The following RIN3 variants were observed in gnomAD, a reference collection of about 807,000 sequenced individuals.
RIN3 encodes the protein Ras and Rab interactor 3, also known as RAB5 interacting protein 3.
RIN3 carries 54 observed loss-of-function variants against 76.3 expected under a neutral mutation model. The observed-to-expected ratio is 0.71, with a 90% confidence interval of 0.57 to 0.89. RIN3 has a LOEUF of 0.89. RIN3 is among the 40% of genes least tolerant of loss of function. The pLI is 0.00. For synonymous variants in RIN3, 576 were observed against 564.0 expected (o/e 1.02, Z -0.30); for missense variants, 1,256 against 1,322.1 (o/e 0.95, Z 0.78).
intron 2 of RIN3, among the ~76,000 whole-genome samples, chr14:92,560,771 C>T (rs1897739688): frequency 6.6e-6 from 1 of 151,718 alleles, no homozygotes; most frequent in South Asian, 2.1e-4. Flanking sequence ...ATAATCCCAG[C>T]CCTTTGGGAG....
At chr14:92,675,509 G>C (rs192783460) in intron 7 of RIN3, among the ~76,000 whole-genome samples, 1 of 152,216 alleles carries the variant, frequency 6.6e-6, no homozygotes, top group Non-Finnish European at 1.5e-5. Context: ...GGTAACCCCC[G>C]GCTGAGTCTG....
intron 1 of RIN3, among the ~76,000 whole-genome samples, chr14:92,522,113 C>T (rs370329161): frequency 3.9e-5 from 6 of 152,154 alleles, no homozygotes; most frequent in East Asian, 3.8e-4. Flanking sequence ...GCAAGTTTGA[C>T]TTTTACCATG....
chr14:92,554,566 G>A (rs112985273), intron 1 of RIN3, among the ~76,000 whole-genome samples: 2,348 of 152,252 alleles, frequency 0.015, 63 homozygotes, highest in African/African-American at 0.052. Flanking sequence ...TATATATTCT[G>A]GCAGCCATAT....
chr14:92,581,850 G>T (rs1204464100), intron 3 of RIN3, among the ~76,000 whole-genome samples: 1 of 152,202 alleles, frequency 6.6e-6, no homozygotes, highest in Non-Finnish European at 1.5e-5. Flanking sequence ...ATGGGCAAGT[G>T]GGGGTTATAG....
chr14:92,654,140 C>A (rs1008650431), intron 6 of RIN3, among the ~76,000 whole-genome samples: 1 of 151,908 alleles, frequency 6.6e-6, no homozygotes, highest in Non-Finnish European at 1.5e-5. Context: ...ATGGTGAAAC[C>A]CCATCTCTAC....
chr14:92,610,419 T>G (rs989125190), intron 3 of RIN3, among the ~76,000 whole-genome samples: 1 of 152,204 alleles, frequency 6.6e-6, no homozygotes, highest in Non-Finnish European at 1.5e-5. Flanking sequence ...TGAAGGCCCC[T>G]TTCGCCCAAC....
chr14:92,622,331 G>A (rs919253293), intron 4 of RIN3, among the ~76,000 whole-genome samples: 2 of 152,214 alleles, frequency 1.3e-5, no homozygotes, highest in African/African-American at 4.8e-5. Context: ...CACTTTGCAT[G>A]TGTTCCCTCC....
intron 2 of RIN3, among the ~76,000 whole-genome samples, chr14:92,561,055 A>ATATATATATATATATATATC (rs71123360): frequency 1.0e-4 from 8 of 79,164 alleles, no homozygotes; most frequent in Admixed American, 1.6e-4. Flanking sequence ...ATATATATAT[A>ATATATATATATATATATATC]TCTGCCATAT....
At position 92,599,009 on chromosome 14, in the gene RIN3, G is replaced by C. The variant is rs114320352; in HGVS notation, c.368-16398G>C. On this transcript the variant is annotated intron_variant, in intron 3 of 9. Transcript: ENST00000216487. ...CACACGAGGTGGCAAGATAGTCCAC[G>C]CAAGTGCACAGAATGGCAGAATGGT... Among the ~76,000 whole-genome samples, 10 of 152,144 alleles carry C rather than the reference G, an allele frequency of 6.6e-5. No individual in the cohort carries two copies. The East Asian group carries it at 1.9e-3, about 29-fold the overall frequency.
chr14:92,560,133 G>A (rs1452408056), intron 2 of RIN3, among the ~76,000 whole-genome samples: 1 of 152,224 alleles, frequency 6.6e-6, no homozygotes, highest in South Asian at 2.1e-4. Flanking sequence ...AGCTTCAGTG[G>A]TGCGAGAAGG....
At chr14:92,575,492 TG>T (rs1402237913) in intron 2 of RIN3, among the ~76,000 whole-genome samples, 4 of 152,194 alleles carry the variant, frequency 2.6e-5, no homozygotes, top group Admixed American at 1.3e-4. Flanking sequence ...ATTATGCTTA[TG>T]GTTATTTCTT....
intron 4 of RIN3, among the ~76,000 whole-genome samples, chr14:92,618,374 AGCC>A (rs1886049691): frequency 6.6e-6 from 1 of 152,190 alleles, no homozygotes; most frequent in African/African-American, 2.4e-5. Flanking sequence ...ACCCCTGGTT[AGCC>A]TTACCCCAAG....
At chr14:92,528,269 C>T (rs1896798232) in intron 1 of RIN3, among the ~76,000 whole-genome samples, 1 of 152,046 alleles carries the variant, frequency 6.6e-6, no homozygotes, top group African/African-American at 2.4e-5. Flanking sequence ...GGGAGATGGC[C>T]ATCGTGGCTG....
At chr14:92,584,111 T>TA (rs531899076) in intron 3 of RIN3, among the ~76,000 whole-genome samples, 1,794 of 152,280 alleles carry the variant, frequency 0.012, 37 homozygotes, top group African/African-American at 0.04. Flanking sequence ...TACTATGCCA[T>TA]TTCATATCAA....
Position 92,685,757 on chromosome 14 carries a change from C to G in RIN3, c.2631+607C>G, listed in dbSNP as rs1244505677. Reference sequence around the variant, plus strand: ...GTTCACTGGCTGCTCAACCGCTGCCCTCACTGGTCAATCTCCCCTTCTTCA... The same window carrying G: ...GTTCACTGGCTGCTCAACCGCTGCCGTCACTGGTCAATCTCCCCTTCTTCA... On this transcript the variant is annotated intron_variant, in intron 9 of 9. Coordinates refer to ENST00000216487, the MANE Select transcript of RIN3 (RefSeq NM_024832.5). This position sits in a 1 kb window ranked among gnomAD's most constrained non-coding sequence, Gnocchi z 4.7. 2 of 152,176 alleles carry G rather than the reference C, an allele frequency of 1.3e-5. No individual in the cohort carries two copies. Among genetic ancestry groups the G allele is most frequent in the Non-Finnish European group, 2.9e-5 (2 of 68,112 alleles). The allele number at this position is 152,176 out of a possible 1,614,324, so 9.4% of individuals were successfully genotyped here. A position where few individuals can be genotyped will look rare whatever the true frequency, so the allele number is the denominator to read the frequency against.
intron 1 of RIN3, among the ~76,000 whole-genome samples, chr14:92,524,197 C>A (rs144206967): frequency 2.6e-4 from 39 of 152,176 alleles, no homozygotes; most frequent in Non-Finnish European, 4.7e-4. Flanking sequence ...CTGTCTGTAT[C>A]CAAAAAACTA....
intron 1 of RIN3, among the ~76,000 whole-genome samples, chr14:92,523,028 C>T (rs1014288178): frequency 2.0e-5 from 3 of 152,184 alleles, no homozygotes; most frequent in African/African-American, 7.2e-5. Flanking sequence ...AGTAAGGGTC[C>T]CAAACATGTC....
chr14:92,685,218 C>T lies in RIN3; in HGVS notation c.2631+68C>T. 4.1e-6 allele frequency: 6 copies of T among 1,476,972 alleles called. No individual in the cohort carries two copies. Among genetic ancestry groups the T allele is most frequent in the Non-Finnish European group, 5.5e-6 (6 of 1,098,948 alleles). The allele number at this position is 1,476,972 out of a possible 1,614,324, so 91.5% of individuals were successfully genotyped here. On this transcript the variant is annotated intron_variant, in intron 9 of 9. Coordinates refer to ENST00000216487, the MANE Select transcript of RIN3 (RefSeq NM_024832.5). This position sits in a 1 kb window ranked among gnomAD's most constrained non-coding sequence, Gnocchi z 4.7. The stretch of plus-strand genomic sequence containing the variant: ...AGACACCATCCCTGCTGCCTGCTGG[C>T]TAAGGAGCCGTGACATCACCTGGCT...
intron 2 of RIN3, among the ~76,000 whole-genome samples, chr14:92,572,095 T>C (rs903947386): frequency 2.0e-5 from 3 of 152,218 alleles, no homozygotes; most frequent in African/African-American, 7.2e-5. Flanking sequence ...ACTTGAGAGA[T>C]CAAGTGCATG....
Sources: gnomAD v4.1 joint callset for allele counts (sites outside exome capture counted in the v4.1 genomes callset) on GRCh38, gnomAD v4.1.1 for gene constraint, Gnocchi (gnomAD v3.1) non-coding constraint, MANE v1.5 for transcripts, NCBI Gene and HGNC (gene_info 2026-07-23, HGNC 2026-07-21) for gene names.